The following PRRC2B variants were observed in gnomAD, a reference collection of about 807,000 sequenced individuals.
PRRC2B encodes the protein protein PRRC2B.
A neutral mutation model predicts 242.3 loss-of-function variants in PRRC2B; 68 were observed. The ratio of observed to expected loss-of-function variants is 0.28; its 90% CI spans 0.23 to 0.34. PRRC2B has a LOEUF of 0.34. Ranked by LOEUF, PRRC2B falls within the 10% of genes least tolerant of loss-of-function variation. PRRC2B has a pLI of 1.00. For synonymous variants in PRRC2B, 1,228 were observed against 1,173.6 expected (o/e 1.05, Z -0.95); for missense variants, 2,835 against 2,954.8 (o/e 0.96, Z 0.94).
chr9:131,383,708 G>A (rs188073554), intron 1 of PRRC2B, among the ~76,000 whole-genome samples: 40 of 144,210 alleles, frequency 2.8e-4, no homozygotes, highest in African/African-American at 1.0e-3. Flanking sequence ...TGCAACCTCC[G>A]CCTCATGGGT....
upstream of PRRC2B, among the ~76,000 whole-genome samples, chr9:131,391,144 A>G (rs1836896256): frequency 6.6e-6 from 1 of 151,528 alleles, no homozygotes. Context: ...CCAAGGTTGT[A>G]CTAGTTTTCT....
chr9:131,398,625 G>A (rs1009435034), intron 1 of PRRC2B, among the ~76,000 whole-genome samples: 1 of 152,084 alleles, frequency 6.6e-6, no homozygotes, highest in African/African-American at 2.4e-5. Context: ...GACTTGTCAG[G>A]CAATAGATAC....
At chr9:131,458,547 C>T (rs924109494) in intron 10 of PRRC2B, among the ~76,000 whole-genome samples, 1 of 151,520 alleles carries the variant, frequency 6.6e-6, no homozygotes, top group South Asian at 2.1e-4. Flanking sequence ...GTTTGTTGCC[C>T]AGGCTGGAGT....
chr9:131,427,412 G>C (rs1483200587), intron 1 of PRRC2B, among the ~76,000 whole-genome samples: 1 of 152,004 alleles, frequency 6.6e-6, no homozygotes, highest in Non-Finnish European at 1.5e-5. Context: ...CTCACTGCAA[G>C]CTCTGCTTCC....
At chr9:131,392,202 A>C (rs1323339128), upstream of PRRC2B, among the ~76,000 whole-genome samples, 1 of 142,386 alleles carries the variant, frequency 7.0e-6, no homozygotes, top group Non-Finnish European at 1.5e-5. Flanking sequence ...GGGTTTGAGC[A>C]ATTCTTCTGC....
rs1349619582 is a variant in PRRC2B, at chr9:131,484,935, C to T, written c.5566-13C>T. 2 of 1,601,032 alleles carry T rather than the reference C, an allele frequency of 1.2e-6. No homozygotes were observed. The highest frequency in any genetic ancestry group is 4.5e-5 in the East Asian group (2 of 44,566). On this transcript the variant is annotated splice_polypyrimidine_tract_variant and intron_variant, in intron 24 of 31. Coordinates refer to ENST00000683519, the MANE Select transcript of PRRC2B (RefSeq NM_013318.4). Reference sequence around the variant, plus strand: ...AGTAATTTTCATCCCTCCCCCTCCCCTTGCTTCTGAAGATGGAGTCTGCGC... The same window carrying T: ...AGTAATTTTCATCCCTCCCCCTCCCTTTGCTTCTGAAGATGGAGTCTGCGC...
intron 1 of PRRC2B, among the ~76,000 whole-genome samples, chr9:131,408,809 T>C: frequency 6.6e-6 from 1 of 150,934 alleles, no homozygotes; most frequent in Non-Finnish European, 1.5e-5. Flanking sequence ...AGCCTCCGCC[T>C]CCTGGGTTGA....
At chr9:131,450,594 T>G (rs1313875187) in intron 9 of PRRC2B, among the ~76,000 whole-genome samples, 2 of 122,898 alleles carry the variant, frequency 1.6e-5, no homozygotes, top group Admixed American at 9.3e-5. Flanking sequence ...CTTGGTGGTG[T>G]TTTTTTTTTT....
rs764926751 is a variant in PRRC2B at position 131,477,728 on chromosome 9, C to T, written c.4407-16C>T. 6.5e-7 allele frequency: 1 copy of T among 1,544,022 alleles called. No individual in the cohort carries two copies. The highest frequency in any genetic ancestry group is 8.9e-7 in the Non-Finnish European group (1 of 1,127,722). ...CTTCCCCAGCTCTGGTTAACAAGATCCTCTTTCCCTTACAGATCCCCAGAC... is the reference window on the plus strand; with the variant it reads ...CTTCCCCAGCTCTGGTTAACAAGATTCTCTTTCCCTTACAGATCCCCAGAC... On this transcript the variant is annotated splice_polypyrimidine_tract_variant and intron_variant, in intron 16 of 31. Coordinates refer to ENST00000683519, the MANE Select transcript of PRRC2B (RefSeq NM_013318.4).
chr9:131,486,359 G>A (rs77139590), intron 26 of PRRC2B, 177 bp downstream of exon 26: 18 of 488,662 alleles, frequency 3.7e-5, no homozygotes, highest in African/African-American at 3.4e-4. Context: ...GCGAATAATC[G>A]AGACAGGGAA....
intron 2 of PRRC2B, among the ~76,000 whole-genome samples, chr9:131,430,559 G>T (rs1838123156): frequency 1.0e-5 from 1 of 99,590 alleles, no homozygotes; most frequent in African/African-American, 3.9e-5. Flanking sequence ...AGGTGTGTGT[G>T]TATGTGTGTG....
chr9:131,479,467 A>G, intron 19 of PRRC2B, 74 bp downstream of exon 19: 1 of 1,460,232 alleles, frequency 6.8e-7, no homozygotes, highest in Non-Finnish European at 9.3e-7. Context: ...TCTGGGGAGG[A>G]TCCTGCTTTT....
At chr9:131,454,459 G>C (rs1022408890) in intron 9 of PRRC2B, among the ~76,000 whole-genome samples, 10 of 152,150 alleles carry the variant, frequency 6.6e-5, no homozygotes, top group Admixed American at 2.0e-4. Context: ...TTTAAGAATT[G>C]TTACCTGTGG....
At chr9:131,473,389 G>T (rs1943596477) in intron 14 of PRRC2B, 119 bp from the exon 15 acceptor site, 1 of 701,796 alleles carries the variant, frequency 1.4e-6, no homozygotes, top group African/African-American at 1.8e-5. Context: ...GGTGGGTGGG[G>T]TGCTGTATCC....
At chr9:131,381,417 CTTTT>C (rs34806343) in intron 1 of PRRC2B, among the ~76,000 whole-genome samples, 5,424 of 102,606 alleles carry the variant, frequency 0.053, 110 homozygotes, top group Non-Finnish European at 0.071. Context: ...AGTTCTGGTT[CTTTT>C]TTTTTTTTTT....
chr9:131,456,211 CTTTTT>C (rs59184650), intron 10 of PRRC2B, among the ~76,000 whole-genome samples: 6 of 138,944 alleles, frequency 4.3e-5, no homozygotes, highest in Admixed American at 7.1e-5. Flanking sequence ...AATTTTGTCT[CTTTTT>C]TTTTTTTTTT....
chr9:131,481,890 T>A, intron 20 of PRRC2B, 82 bp downstream of exon 20: 1 of 1,295,684 alleles, frequency 7.7e-7, no homozygotes. Context: ...CAGCTTGCTG[T>A]GGCCCACCCA....
chr9:131,421,745 T>C (rs1358785269), intron 1 of PRRC2B, among the ~76,000 whole-genome samples: 1 of 152,194 alleles, frequency 6.6e-6, no homozygotes, highest in Non-Finnish European at 1.5e-5. Flanking sequence ...TGGATTTGCC[T>C]TGGGTGAGAA....
intron 12 of PRRC2B, 130 bp from the exon 13 acceptor site, chr9:131,467,433 G>C: frequency 5.1e-6 from 4 of 790,490 alleles, no homozygotes; most frequent in South Asian, 1.9e-5. Context: ...ACAGGGCCAG[G>C]GTTCAGGGAC....
Sources: allele counts gnomAD v4.1 joint callset (sites outside exome capture counted in the v4.1 genomes callset), GRCh38; gene constraint gnomAD v4.1.1; transcripts MANE v1.5; gene names NCBI Gene and HGNC (gene_info 2026-07-23, HGNC 2026-07-21).